Variants in RARS2 observed in about 807,000 individuals in gnomAD.
RARS2 encodes probable arginine--tRNA ligase, mitochondrial.
In RARS2, 67 loss-of-function variants were observed where a neutral mutation model predicts 88.5. The ratio of observed to expected loss-of-function variants is 0.76; its 90% CI spans 0.62 to 0.93. The LOEUF is 0.93. Ranked by LOEUF, RARS2 falls within the 40% of genes least tolerant of loss-of-function variation. The pLI is 0.00. For synonymous variants in RARS2, 239 were observed against 230.3 expected (o/e 1.04, Z -0.34); for missense variants, 664 against 684.2 (o/e 0.97, Z 0.33).
intron 1 of RARS2, among the ~76,000 whole-genome samples, chr6:87,587,491 T>C (rs112862246): frequency 3.3e-5 from 5 of 152,340 alleles, no homozygotes; most frequent in African/African-American, 1.2e-4. Flanking sequence ...ATAAATCCAT[T>C]AGATTCTGTT....
intron 11 of RARS2, 82 bp from the exon 12 acceptor site, chr6:87,521,606 A>C: frequency 9.7e-7 from 1 of 1,034,634 alleles, no homozygotes; most frequent in Non-Finnish European, 1.5e-6. Context: ...AGCAATGAGC[A>C]TTTTCTAATT....
At chr6:87,569,478 C>A in intron 2 of RARS2, 39 bp downstream of exon 2, 1 of 1,494,920 alleles carries the variant, frequency 6.7e-7, no homozygotes, top group African/African-American at 1.4e-5. Context: ...ACAAAGTCAG[C>A]AACATTTTAT....
rs2128036002 is a variant in RARS2, at chr6:87,524,628, G to T, written c.903C>A (p.Leu301=). ...KTIKGTAVVD[L]SGNGDPSSIC... ...TTGAGGAGGGGTCGCCATTCCCAGA[G>T]AGATCTACTACAGCCGTTCCTTTTC... The change falls in exon 11 of 20, where the codon CTC becomes CTA. Residue 301 remains leucine (L), a synonymous_variant. Transcript: ENST00000369536. 1 of 1,612,808 alleles carries T rather than the reference G, an allele frequency of 6.2e-7. No homozygotes were observed. The highest frequency in any genetic ancestry group is 1.1e-5 in the South Asian group (1 of 91,040).
In RARS2 at chr6:87,519,584, C is replaced by G. The variant is rs200547165; in HGVS notation, c.1236G>C (p.Lys412Asn). 276 of 1,611,854 alleles carry G rather than the reference C, an allele frequency of 1.7e-4. 3 individuals are homozygous for G. In the South Asian group the frequency reaches 2.4e-3, roughly 14 times the overall value. ...LRMLQNMASI[K>N]TTKELKNPQE... Reference sequence around the variant, plus strand: ...TTAATAAGAAAAAACTGAATTCACTCTTAATTGAAGCCATGTTCTGTAGCA... The same window carrying G: ...TTAATAAGAAAAAACTGAATTCACTGTTAATTGAAGCCATGTTCTGTAGCA... Residue 412 changes from lysine to asparagine, a missense_variant and splice_region_variant, in exon 14 of 20, where the codon AAG becomes AAC. Lys to Asn is a moderately conservative substitution (Grantham distance 94). Coordinates refer to ENST00000369536, the MANE Select transcript of RARS2 (RefSeq NM_020320.5).
intron 17 of RARS2, 152 bp downstream of exon 17, chr6:87,518,017 A>G (rs1772390197): frequency 2.1e-6 from 3 of 1,449,932 alleles, no homozygotes. Context: ...CTGTCCTCAA[A>G]ATGCAAATAA....
chr6:87,574,522 A>G (rs572375047), intron 1 of RARS2, among the ~76,000 whole-genome samples: 1 of 152,370 alleles, frequency 6.6e-6, no homozygotes, highest in East Asian at 1.9e-4. Context: ...AGCAAGAAGA[A>G]AAAGAACAGG....
At chr6:87,568,939 C>A (rs935948765) in intron 2 of RARS2, among the ~76,000 whole-genome samples, 38 of 152,298 alleles carry the variant, frequency 2.5e-4, no homozygotes, top group African/African-American at 9.1e-4. Context: ...TTGAAGTTTT[C>A]TACCCAAATC....
intron 1 of RARS2, among the ~76,000 whole-genome samples, chr6:87,575,923 C>T (rs1160277249): frequency 1.3e-5 from 2 of 151,330 alleles, no homozygotes; most frequent in East Asian, 3.9e-4. Context: ...AAGGAATTCT[C>T]CTGCTTCAGC....
At position 87,530,783 on chromosome 6, in the gene RARS2, C is replaced by T. The variant is rs1011716245; in HGVS notation, c.771+1G>A. 1 of 1,614,116 alleles carries T rather than the reference C, an allele frequency of 6.2e-7. No individual in the cohort carries two copies. Among genetic ancestry groups the T allele is most frequent in the Non-Finnish European group, 8.5e-7 (1 of 1,179,980 alleles). ...AAGCAGAAGGGAGGGTCAACCAATA[C>T]CTTGTAAACCCGAATGTACTCTTCA... is the stretch of plus-strand genomic sequence containing the variant. On this transcript the variant is annotated splice_donor_variant, in intron 9 of 19. Transcript: ENST00000369536. LOFTEE classifies it high-confidence loss of function.
rs1182986571 is a variant in RARS2 at position 87,564,238 on chromosome 6, G to A, written c.111-6C>T. The A allele has an allele frequency of 1.1e-5, 17 of 1,586,150 alleles. No homozygotes were observed. The highest frequency in any genetic ancestry group is 1.5e-5 in the Non-Finnish European group (17 of 1,155,058). ...GCTGAAAATCAGCTACTTCTCTAAA[G>A]ACAGACATCGAAACGAGATAGAACT... On this transcript the variant is annotated splice_region_variant and splice_polypyrimidine_tract_variant and intron_variant, in intron 2 of 19. Coordinates refer to ENST00000369536, the MANE Select transcript of RARS2 (RefSeq NM_020320.5).
chr6:87,551,821 C>T (rs1345540754), intron 5 of RARS2, among the ~76,000 whole-genome samples: 2 of 151,984 alleles, frequency 1.3e-5, no homozygotes, highest in African/African-American at 4.8e-5. Flanking sequence ...TTGGGAACAG[C>T]AGGAGTTGGG....
intron 8 of RARS2, among the ~76,000 whole-genome samples, chr6:87,535,887 G>A (rs529793202): frequency 8.6e-5 from 13 of 151,430 alleles, no homozygotes; most frequent in Middle Eastern, 6.8e-3. Flanking sequence ...GTTTTGCCAC[G>A]TTGCTGAGGC....
At position 87,516,808 on chromosome 6, in the gene RARS2, T is replaced by TA. The variant is rs863224183; in HGVS notation, c.1583dup (p.Leu528PhefsTer17). The stretch of plus-strand genomic sequence containing the variant: ...AAAACAGGAAGATTATAAAGTACCT[T>TA]AAAGTTAGAAGGTAACTGACGATAT... On this transcript the variant is annotated frameshift_variant, in exon 18 of 20. Transcript: ENST00000369536. LOFTEE classifies it high-confidence loss of function. 1.2e-6 allele frequency: 2 copies of TA among 1,613,412 alleles called. No individual in the cohort carries two copies. Among genetic ancestry groups the TA allele is most frequent in the African/African-American group, 1.3e-5 (1 of 75,018 alleles).
chr6:87,540,997 C>T (rs567089021), intron 8 of RARS2, among the ~76,000 whole-genome samples: 14 of 151,994 alleles, frequency 9.2e-5, no homozygotes, highest in Non-Finnish European at 1.3e-4. Context: ...GTTATTACCA[C>T]GAAAAAAGCT....
chr6:87,564,729 G>A (rs1041953140), intron 2 of RARS2: 1 of 232,558 alleles, frequency 4.3e-6, no homozygotes, highest in African/African-American at 2.4e-5. Flanking sequence ...AAGAAAATGA[G>A]AAATAACCTA....
At chr6:87,519,142 TTATATA>T in intron 14 of RARS2, 1 of 393,560 alleles carries the variant, frequency 2.5e-6, no homozygotes, top group Non-Finnish European at 4.6e-6. Context: ...ATTTCTGATT[TTATATA>T]TATATATGTA....
intron 10 of RARS2, among the ~76,000 whole-genome samples, chr6:87,527,738 C>A (rs1039495506): frequency 2.0e-5 from 3 of 151,988 alleles, no homozygotes; most frequent in South Asian, 2.1e-4. Context: ...CAAACCAACA[C>A]CACCACTACC....
chr6:87,538,297 A>G (rs888872652), intron 8 of RARS2, among the ~76,000 whole-genome samples: 9 of 152,216 alleles, frequency 5.9e-5, no homozygotes, highest in African/African-American at 1.9e-4. Context: ...CAGTGAATCT[A>G]TTCGGCAAAA....
At chr6:87,525,549 CTTTTT>C (rs71554728) in intron 10 of RARS2, among the ~76,000 whole-genome samples, 2 of 142,162 alleles carry the variant, frequency 1.4e-5, no homozygotes, top group East Asian at 2.0e-4. Flanking sequence ...GCCTTTTTTT[CTTTTT>C]TTTTTTTTTG....
Sources: gnomAD v4.1 joint callset for allele counts (sites outside exome capture counted in the v4.1 genomes callset) on GRCh38, gnomAD v4.1.1 for gene constraint, MANE v1.5 for transcripts, NCBI Gene and HGNC (gene_info 2026-07-23, HGNC 2026-07-21) for gene names.